The following DPH6 variants were observed in gnomAD, a reference collection of about 807,000 sequenced individuals.
The protein encoded by DPH6 is diphthamine biosynthesis 6, also known as diphthine--ammonia ligase.
In DPH6, 33 loss-of-function variants were observed where a neutral mutation model predicts 38.2. That is an observed-to-expected ratio of 0.86 (90% CI 0.65 to 1.15). The LOEUF is 1.15. Among genes scored for constraint, DPH6 ranks in the 50% most tolerant of loss-of-function variants. The pLI is 0.00. For missense variants in DPH6, 325 were observed against 320.0 expected, an observed-to-expected ratio of 1.02 and a Z score of -0.12; for synonymous variants, 108 against 103.0, an observed-to-expected ratio of 1.05 and a Z score of -0.30.
intron 3 of DPH6, among the ~76,000 whole-genome samples, chr15:35,231,572 C>G (rs1595437891): frequency 6.6e-6 from 1 of 152,200 alleles, no homozygotes; most frequent in African/African-American, 2.4e-5. Flanking sequence ...ATCAGTGGAG[C>G]TTTCTTTTCT....
chr15:35,337,652 G>T (rs1246071391), intron 3 of DPH6, among the ~76,000 whole-genome samples: 4 of 152,140 alleles, frequency 2.6e-5, no homozygotes, highest in African/African-American at 9.7e-5. Context: ...AGCTACCAAT[G>T]ACTTTCTTCA....
chr15:35,428,845 A>G (rs1428992220), intron 5 of DPH6, among the ~76,000 whole-genome samples: 1 of 151,828 alleles, frequency 6.6e-6, no homozygotes, highest in Non-Finnish European at 1.5e-5. Context: ...GTCACTCTCT[A>G]CTCACCGAAT....
At chr15:35,346,354 T>C (rs2052461980) in intron 3 of DPH6, among the ~76,000 whole-genome samples, 1 of 152,096 alleles carries the variant, frequency 6.6e-6, no homozygotes, top group Admixed American at 6.6e-5. Context: ...ATAGGACTAT[T>C]CAGATTTACC....
At chr15:35,437,046 G>C (rs1252753238) in intron 5 of DPH6, among the ~76,000 whole-genome samples, 1 of 151,824 alleles carries the variant, frequency 6.6e-6, no homozygotes, top group Non-Finnish European at 1.5e-5. Flanking sequence ...CCACTCCCTA[G>C]GCACCCATGT....
At position 35,349,841 on chromosome 15, in the gene DPH6, G is replaced by A. The variant is rs2052494848; in HGVS notation, n.208-18764C>T. ...AAGTAATTGGTGTAACTCTTAATGT[G>A]TTGTTGAATTAAGCATGCTAGTGTT... On this transcript the variant is annotated intron_variant and non_coding_transcript_variant, in intron 3 of 3. Transcript: ENST00000558973. 2.0e-5 allele frequency among the ~76,000 whole-genome samples: 3 copies of A among 152,150 alleles called. No individual in the cohort carries two copies. The South Asian group carries it at 6.2e-4, about 32-fold the overall frequency.
chr15:35,211,508 G>A, the DPH6 span, among the ~76,000 whole-genome samples: 1 of 152,168 alleles, frequency 6.6e-6, no homozygotes, highest in Non-Finnish European at 1.5e-5. Context: ...GGGGGAGGAG[G>A]AAGAGAGGAG....
At chr15:35,237,889 C>T (rs117561434) in intron 3 of DPH6, 45,938 of 1,438,054 alleles carry the variant, frequency 0.032, 1,193 homozygotes, top group Non-Finnish European at 0.034. Context: ...TAGTGGAGGA[C>T]GAGGAGGAGG....
intron 3 of DPH6, among the ~76,000 whole-genome samples, chr15:35,324,133 T>C (rs1392621817): frequency 6.6e-6 from 1 of 152,108 alleles, no homozygotes; most frequent in Non-Finnish European, 1.5e-5. Flanking sequence ...TAGTACATAA[T>C]TCAGGGTTGT....
chr15:35,168,644 G>A, the DPH6 span, among the ~76,000 whole-genome samples: 2 of 152,030 alleles, frequency 1.3e-5, no homozygotes, highest in Admixed American at 1.3e-4. Context: ...CTCTTCCCCC[G>A]AAAACTGCAC....
At chr15:35,292,743 G>C (rs1309689667) in intron 3 of DPH6, among the ~76,000 whole-genome samples, 3 of 152,062 alleles carry the variant, frequency 2.0e-5, no homozygotes, top group Non-Finnish European at 4.4e-5. Context: ...TGGGAAACTT[G>C]CTACTTTTTA....
Position 35,435,985 on chromosome 15 carries a change from A to G in DPH6, c.505+14700T>C, listed in dbSNP as rs181798714. On this transcript the variant is annotated intron_variant, in intron 5 of 8. Transcript: ENST00000256538. ...AATGGCACCTATCTTTTCTTTTACTATAGCAGTCATCCACCTCCACCCCAA... is the reference window on the plus strand; with the variant it reads ...AATGGCACCTATCTTTTCTTTTACTGTAGCAGTCATCCACCTCCACCCCAA... 4.3e-3 allele frequency among the ~76,000 whole-genome samples: 651 copies of G among 151,490 alleles called. 1 individual carries two copies. Among genetic ancestry groups the G allele is most frequent in the Non-Finnish European group, 7.3e-3 (494 of 67,872 alleles).
intron 3 of DPH6, among the ~76,000 whole-genome samples, chr15:35,320,251 T>C (rs1295088769): frequency 1.3e-5 from 2 of 152,204 alleles, no homozygotes; most frequent in Non-Finnish European, 2.9e-5. Flanking sequence ...CTAAGTTTGA[T>C]GCCTCTCTCT....
intron 3 of DPH6, among the ~76,000 whole-genome samples, chr15:35,266,923 A>G (rs2051787094): frequency 6.6e-6 from 1 of 152,200 alleles, no homozygotes; most frequent in Non-Finnish European, 1.5e-5. Flanking sequence ...TAAAATGATT[A>G]GTGGACAACT....
chr15:35,151,418 G>A, the DPH6 span, among the ~76,000 whole-genome samples: 1,917 of 152,254 alleles, frequency 0.013, 33 homozygotes, highest in African/African-American at 0.037. Context: ...TGAGTAGCAG[G>A]CATCTGGATT....
At chr15:35,305,744 G>T (rs958014216) in intron 3 of DPH6, among the ~76,000 whole-genome samples, 1 of 150,336 alleles carries the variant, frequency 6.7e-6, no homozygotes, top group African/African-American at 2.4e-5. Context: ...AAGAAATTTT[G>T]TTTTTTTATA....
intron 5 of DPH6, among the ~76,000 whole-genome samples, chr15:35,419,649 T>C (rs1566903075): frequency 6.6e-6 from 1 of 152,136 alleles, no homozygotes; most frequent in Non-Finnish European, 1.5e-5. Flanking sequence ...AAGATAGCTA[T>C]ACTAACCTTA....
At chr15:35,359,553 G>T (rs906225883) in intron 3 of DPH6, among the ~76,000 whole-genome samples, 1 of 152,180 alleles carries the variant, frequency 6.6e-6, no homozygotes, top group African/African-American at 2.4e-5. Context: ...CCTTTCTGCT[G>T]CTTCCTCCAC....
At chr15:35,496,709 T>G (rs1344070981) in intron 3 of DPH6, among the ~76,000 whole-genome samples, 1 of 150,250 alleles carries the variant, frequency 6.7e-6, no homozygotes, top group East Asian at 2.0e-4. Context: ...TGAAAAAAAT[T>G]TTCAATCTCA....
At chr15:35,465,031 G>C (rs1283897316) in intron 3 of DPH6, among the ~76,000 whole-genome samples, 1 of 152,206 alleles carries the variant, frequency 6.6e-6, no homozygotes, top group African/African-American at 2.4e-5. Context: ...AAATTAGACT[G>C]TTGACTCAAT....
Sources: allele counts gnomAD v4.1 joint callset (sites outside exome capture counted in the v4.1 genomes callset), GRCh38; gene constraint gnomAD v4.1.1; transcripts MANE v1.5; gene names NCBI Gene and HGNC (gene_info 2026-07-23, HGNC 2026-07-21).